KLHL29: variants seen among roughly 807,000 people sequenced by gnomAD.
KLHL29 encodes the protein kelch-like protein 29.
Under a neutral mutation model 80.4 loss-of-function variants are expected in KLHL29, and 21 were observed. The observed-to-expected ratio is 0.26, with a 90% CI of 0.19 to 0.38. KLHL29 has a LOEUF of 0.38. Ranked by LOEUF, KLHL29 falls within the 10% of genes least tolerant of loss-of-function variation. The pLI is 1.00. For missense variants in KLHL29, 867 were observed against 1,223.9 expected (o/e 0.71, Z 4.35); for synonymous variants, 511 against 526.8 (o/e 0.97, Z 0.41).
chr2:23,414,358 C>T (rs921356844), intron 1 of KLHL29, among the ~76,000 whole-genome samples: 2 of 139,996 alleles, frequency 1.4e-5, no homozygotes, highest in African/African-American at 2.6e-5. Flanking sequence ...GTTTGTGCGG[C>T]GGGGTGGGAG....
Position 23,649,664 on chromosome 2 carries a change from G to T in KLHL29, c.940+6814G>T, listed in dbSNP as rs79047489. On this transcript the variant is annotated intron_variant, in intron 5 of 13. Transcript: ENST00000486442. The stretch of plus-strand genomic sequence containing the variant: ...CCAAATCTCCGCTGAGCATCTTCAA[G>T]GTCAGAAGCCCTGCTCTGGCCCCAG... 3.7e-3 allele frequency among the ~76,000 whole-genome samples: 560 copies of T among 152,348 alleles called. 21 individuals are homozygous for T. The South Asian group carries it at 0.057, about 15-fold the overall frequency.
intron 3 of KLHL29, among the ~76,000 whole-genome samples, chr2:23,586,164 T>G (rs964087030): frequency 1.3e-5 from 2 of 152,002 alleles, no homozygotes; most frequent in African/African-American, 4.8e-5. Flanking sequence ...AAAATGCTAC[T>G]TAAAAAAAAT....
chr2:23,698,701 T>C (rs903072800), intron 11 of KLHL29, among the ~76,000 whole-genome samples: 4 of 152,170 alleles, frequency 2.6e-5, no homozygotes, highest in African/African-American at 9.6e-5. Context: ...AGCAATATAT[T>C]GCAGTCACTG....
At chr2:23,479,808 C>T (rs775208587) in intron 2 of KLHL29, among the ~76,000 whole-genome samples, 4 of 152,218 alleles carry the variant, frequency 2.6e-5, no homozygotes, top group Non-Finnish European at 4.4e-5. Flanking sequence ...GCTCACCTTC[C>T]TTCCTGGACC....
At chr2:23,395,812 C>T (rs553925119) in intron 1 of KLHL29, among the ~76,000 whole-genome samples, 5 of 151,968 alleles carry the variant, frequency 3.3e-5, no homozygotes, top group Non-Finnish European at 5.9e-5. Flanking sequence ...CAGCATGATC[C>T]GTGGGCTCCC....
intron 2 of KLHL29, among the ~76,000 whole-genome samples, chr2:23,561,251 A>G (rs1560591): frequency 0.83 from 126,512 of 152,218 alleles, 52,923 homozygotes; most frequent in East Asian, 1. Context: ...GAGTAACACC[A>G]GGCCCTGGAT....
rs559469799 is a variant in KLHL29, at chr2:23,683,601, C to T, written c.941-798C>T. Among the ~76,000 whole-genome samples, 31 of 152,328 alleles carry T rather than the reference C, an allele frequency of 2.0e-4. No homozygotes were observed. The East Asian group carries it at 5.8e-3, about 28-fold the overall frequency. Reference sequence around the variant, plus strand: ...GGCCCGGGCACTGTCTGTGCCAGCCCCAGGTCCAAGACACCGGGCACAGGT... The same window carrying T: ...GGCCCGGGCACTGTCTGTGCCAGCCTCAGGTCCAAGACACCGGGCACAGGT... On this transcript the variant is annotated intron_variant, in intron 5 of 13. Coordinates refer to ENST00000486442, the MANE Select transcript of KLHL29 (RefSeq NM_052920.2).
At chr2:23,559,001 C>T (rs1433624946) in intron 2 of KLHL29, among the ~76,000 whole-genome samples, 1 of 151,930 alleles carries the variant, frequency 6.6e-6, no homozygotes, top group Admixed American at 6.5e-5. Context: ...AGGGCGGGCA[C>T]CATTTGCTCA....
At chr2:23,657,934 G>A (rs1282934492) in intron 5 of KLHL29, among the ~76,000 whole-genome samples, 2 of 152,194 alleles carry the variant, frequency 1.3e-5, no homozygotes, top group Admixed American at 6.5e-5. Context: ...CTTAGGGGTG[G>A]TCCAGGCCTC....
chr2:23,537,332 C>T (rs1401545725), intron 2 of KLHL29, among the ~76,000 whole-genome samples: 2 of 151,942 alleles, frequency 1.3e-5, no homozygotes, highest in African/African-American at 4.8e-5. Context: ...TACTACAGTG[C>T]AGGGAAGGGC....
At chr2:23,511,153 A>G (rs115155729) in intron 2 of KLHL29, among the ~76,000 whole-genome samples, 1,540 of 152,226 alleles carry the variant, frequency 0.01, 31 homozygotes, top group South Asian at 0.049. Flanking sequence ...TTTCTAGGGC[A>G]TTTGATAAAA....
intron 6 of KLHL29, 26 bp from the exon 7 acceptor site, chr2:23,691,647 TA>T: frequency 6.5e-7 from 1 of 1,548,086 alleles, no homozygotes. Context: ...GGGCAGGAGG[TA>T]AGGACACCCT....
chr2:23,486,948 G>C (rs994114334), intron 2 of KLHL29, among the ~76,000 whole-genome samples: 1 of 152,180 alleles, frequency 6.6e-6, no homozygotes, highest in Non-Finnish European at 1.5e-5. Flanking sequence ...GCACTTTCTC[G>C]TGGAATCCTC....
chr2:23,500,888 T>A (rs1665418308), intron 2 of KLHL29, among the ~76,000 whole-genome samples: 1 of 152,188 alleles, frequency 6.6e-6, no homozygotes, highest in African/African-American at 2.4e-5. Flanking sequence ...ACATGCTTTT[T>A]AAGATTTGAA....
intron 5 of KLHL29, among the ~76,000 whole-genome samples, chr2:23,658,944 G>A (rs1670324249): frequency 6.6e-6 from 1 of 152,202 alleles, no homozygotes; most frequent in Non-Finnish European, 1.5e-5. Context: ...GCGTGGAAGA[G>A]TAAGCCTCTC....
chr2:23,450,418 T>G (rs1018564414), intron 1 of KLHL29, among the ~76,000 whole-genome samples: 2 of 152,196 alleles, frequency 1.3e-5, no homozygotes, highest in African/African-American at 4.8e-5. Context: ...CTCCGGTGGC[T>G]GTGCTGTGAG....
intron 3 of KLHL29, among the ~76,000 whole-genome samples, chr2:23,627,166 G>C (rs619287): frequency 0.8 from 121,929 of 152,206 alleles, 49,125 homozygotes; most frequent in East Asian, 1. Context: ...CCTGCCGTGG[G>C]CCTCCAGTGA....
chr2:23,634,189 G>A (rs890420028), intron 3 of KLHL29, among the ~76,000 whole-genome samples: 21 of 152,160 alleles, frequency 1.4e-4, no homozygotes, highest in African/African-American at 3.9e-4. Context: ...AGGCAGCCCC[G>A]CCAGCCCTGT....
rs376611786 is a variant in KLHL29 at position 23,467,698 on chromosome 2, A to G, written c.-153-7862A>G. 9.8e-5 allele frequency among the ~76,000 whole-genome samples: 15 copies of G among 152,334 alleles called. No homozygotes were observed. The East Asian group carries it at 1.5e-3, about 16-fold the overall frequency. On this transcript the variant is annotated intron_variant, in intron 1 of 13. Coordinates refer to ENST00000486442, the MANE Select transcript of KLHL29 (RefSeq NM_052920.2). ...AGAATCATGAAATAGAAGCTGTAGC[A>G]GCATCTGCCCGAAGGTCTTGATTTT...
Sources: gnomAD v4.1 joint callset for allele counts (sites outside exome capture counted in the v4.1 genomes callset) on GRCh38, gnomAD v4.1.1 for gene constraint, MANE v1.5 for transcripts, NCBI Gene and HGNC (gene_info 2026-07-23, HGNC 2026-07-21) for gene names.